PALM2AKAP2: variants seen among roughly 807,000 people sequenced by gnomAD.
The protein encoded by PALM2AKAP2 is PALM2-AKAP2 fusion protein.
Under a neutral mutation model 71.5 loss-of-function variants are expected in PALM2AKAP2, and 37 were observed. The observed-to-expected ratio is 0.52, with a 90% CI of 0.40 to 0.68. The LOEUF (loss-of-function observed/expected upper bound fraction) is 0.68. PALM2AKAP2 is among the 30% of genes least tolerant of loss of function. The probability of loss-of-function intolerance (pLI) is 0.00; values close to 1 mark genes in which losing one functional copy is unlikely to be tolerated. For missense variants in PALM2AKAP2, 1,224 were observed against 1,191.8 expected, an observed-to-expected ratio of 1.03 and a Z score of -0.40; for synonymous variants, 468 against 478.8, an observed-to-expected ratio of 0.98 and a Z score of 0.29.
chr9:109,913,364 G>A (rs1355275474), intron 3 of PALM2AKAP2, among the ~76,000 whole-genome samples: 1 of 152,158 alleles, frequency 6.6e-6, no homozygotes, highest in Non-Finnish European at 1.5e-5. Flanking sequence ...GAAGCCAGAC[G>A]GACACAAATA....
intron 6 of PALM2AKAP2, among the ~76,000 whole-genome samples, chr9:109,965,481 A>G (rs1030252435): frequency 2.2e-4 from 33 of 152,384 alleles, no homozygotes; most frequent in African/African-American, 7.5e-4. Flanking sequence ...AACAAGCCAG[A>G]GAGAAAAGGA....
At chr9:109,731,593 G>A (rs372175396) in intron 1 of PALM2AKAP2, among the ~76,000 whole-genome samples, 59 of 152,092 alleles carry the variant, frequency 3.9e-4, no homozygotes, top group Middle Eastern at 3.2e-3. Flanking sequence ...GTGGACATTA[G>A]GGGTGAGTTA....
chr9:109,764,303 C>A (rs1829109787), intron 1 of PALM2AKAP2, among the ~76,000 whole-genome samples: 1 of 151,914 alleles, frequency 6.6e-6, no homozygotes, highest in East Asian at 1.9e-4. Flanking sequence ...AGGGCCATCT[C>A]CCACCCCCCT....
At chr9:109,649,291 A>G (rs899268716) in intron 1 of PALM2AKAP2, among the ~76,000 whole-genome samples, 3 of 152,054 alleles carry the variant, frequency 2.0e-5, no homozygotes, top group African/African-American at 7.2e-5. Context: ...AGGGACATCT[A>G]TTACCCATTG....
chr9:109,755,416 C>A (rs1216216444), intron 1 of PALM2AKAP2, among the ~76,000 whole-genome samples: 1 of 152,100 alleles, frequency 6.6e-6, no homozygotes, highest in African/African-American at 2.4e-5. Flanking sequence ...CTATTGGTCT[C>A]ATTGTTCCCT....
intron 7 of PALM2AKAP2, among the ~76,000 whole-genome samples, chr9:110,034,906 A>G (rs914741883): frequency 3.3e-5 from 5 of 151,746 alleles, no homozygotes; most frequent in Admixed American, 6.6e-5. Flanking sequence ...CCCGGCTGCC[A>G]TATATTCTTT....
intron 1 of PALM2AKAP2, chr9:109,765,583 C>T (rs1400955096): frequency 1.3e-5 from 2 of 152,838 alleles, no homozygotes; most frequent in Non-Finnish European, 2.9e-5. Flanking sequence ...CAAATAGATC[C>T]TGATATAGTT....
At chr9:109,670,931 C>T (rs1320925353) in intron 1 of PALM2AKAP2, among the ~76,000 whole-genome samples, 1 of 152,160 alleles carries the variant, frequency 6.6e-6, no homozygotes, top group Non-Finnish European at 1.5e-5. Context: ...TGAAAAATGT[C>T]TGTTCATGTC....
rs887594118 is a variant in PALM2AKAP2, at chr9:110,077,583, G to A, written c.156+28728G>A. Among the ~76,000 whole-genome samples, 3 of 152,278 alleles carry A rather than the reference G, an allele frequency of 2.0e-5. No homozygotes were observed. The South Asian group carries it at 6.2e-4, about 32-fold the overall frequency. On this transcript the variant is annotated intron_variant, in intron 1 of 3. Transcript: ENST00000374525. ...GGGCTCTCTCTTCAGGATATCCAGT[G>A]ACTGTTCCATAACTCGTTACCTGGA... is the stretch of plus-strand genomic sequence containing the variant.
rs1169319288 is a variant in PALM2AKAP2 at position 109,815,911 on chromosome 9, G to A, written c.45+35378G>A. Among the ~76,000 whole-genome samples, 3 of 152,312 alleles carry A rather than the reference G, an allele frequency of 2.0e-5. No homozygotes were observed. The South Asian group carries it at 6.2e-4, about 32-fold the overall frequency. On this transcript the variant is annotated intron_variant, in intron 1 of 9. Transcript: ENST00000302798. Reference sequence around the variant, plus strand: ...AAATAGTGAAAGAGGTGAAATGCAGGTGAGTGGAGGATAAATGATGGTATG... The same window carrying A: ...AAATAGTGAAAGAGGTGAAATGCAGATGAGTGGAGGATAAATGATGGTATG...
intron 1 of PALM2AKAP2, among the ~76,000 whole-genome samples, chr9:110,095,298 G>T (rs911069273): frequency 6.6e-5 from 10 of 152,168 alleles, no homozygotes; most frequent in African/African-American, 2.2e-4. Flanking sequence ...GTCTAAGTGG[G>T]TCATCCTGAA....
intron 1 of PALM2AKAP2, among the ~76,000 whole-genome samples, chr9:109,704,006 T>TG (rs1352578491): frequency 3.3e-5 from 5 of 152,220 alleles, no homozygotes; most frequent in Admixed American, 1.3e-4. Flanking sequence ...AAAGGCTCCT[T>TG]GGCCAGGTTC....
At chr9:110,006,386 C>G (rs979250922) in intron 6 of PALM2AKAP2, among the ~76,000 whole-genome samples, 5 of 91,388 alleles carry the variant, frequency 5.5e-5, no homozygotes, top group Non-Finnish European at 9.0e-5. Flanking sequence ...TCTTTCTTTA[C>G]AAGATCTTAC....
chr9:110,057,500 T>C (rs1752001567), intron 1 of PALM2AKAP2, among the ~76,000 whole-genome samples: 1 of 151,856 alleles, frequency 6.6e-6, no homozygotes, highest in Non-Finnish European at 1.5e-5. Flanking sequence ...TGCCTCAACT[T>C]CCTGAGTAGC....
chr9:109,651,839 A>C (rs1425358002), intron 1 of PALM2AKAP2, among the ~76,000 whole-genome samples: 2 of 152,246 alleles, frequency 1.3e-5, no homozygotes, highest in African/African-American at 4.8e-5. Context: ...GACCAATCTC[A>C]GTTATGAGTA....
chr9:110,083,357 A>C (rs1178169520), intron 1 of PALM2AKAP2, among the ~76,000 whole-genome samples: 2 of 152,030 alleles, frequency 1.3e-5, no homozygotes, highest in African/African-American at 4.8e-5. Context: ...CACAAGCATA[A>C]CAGAAAACGA....
upstream of PALM2AKAP2, among the ~76,000 whole-genome samples, chr9:110,044,461 C>T (rs1833562979): frequency 6.9e-6 from 1 of 145,516 alleles, no homozygotes; most frequent in African/African-American, 2.6e-5. Flanking sequence ...AAGTGATTCT[C>T]CTGCCTCAGC....
At chr9:109,672,397 A>G (rs1198125945) in intron 1 of PALM2AKAP2, among the ~76,000 whole-genome samples, 1 of 152,168 alleles carries the variant, frequency 6.6e-6, no homozygotes, top group Non-Finnish European at 1.5e-5. Flanking sequence ...TCTGTGATGA[A>G]TCACATTTAT....
intron 1 of PALM2AKAP2, among the ~76,000 whole-genome samples, chr9:109,757,354 C>T (rs951625604): frequency 4.6e-5 from 7 of 152,094 alleles, no homozygotes; most frequent in African/African-American, 9.7e-5. Context: ...CATACCAATG[C>T]GTGGTTTAAT....
Sources: gnomAD v4.1 joint callset for allele counts (sites outside exome capture counted in the v4.1 genomes callset) on GRCh38, gnomAD v4.1.1 for gene constraint, MANE v1.5 for transcripts, NCBI Gene and HGNC (gene_info 2026-07-23, HGNC 2026-07-21) for gene names.